AUTS2: variants seen among roughly 807,000 people sequenced by gnomAD.
AUTS2 encodes the protein activator of transcription and developmental regulator AUTS2.
AUTS2 carries 17 observed loss-of-function variants against 112.4 expected under a neutral mutation model. That is an observed-to-expected ratio of 0.15 (90% CI 0.10 to 0.23). The LOEUF is 0.23. AUTS2 is among the 10% of genes least tolerant of loss of function. The pLI, the probability that AUTS2 is intolerant of heterozygous loss-of-function variation, is 1.00. For synonymous variants in AUTS2, 751 were observed against 702.7 expected, an observed-to-expected ratio of 1.07 and a Z score of -1.09; for missense variants, 1,510 against 1,701.6, an observed-to-expected ratio of 0.89 and a Z score of 1.98.
At chr7:70,626,450 T>C (rs1208539069) in intron 5 of AUTS2, among the ~76,000 whole-genome samples, 1 of 146,516 alleles carries the variant, frequency 6.8e-6, no homozygotes, top group Non-Finnish European at 1.5e-5. Context: ...AGGAAAAAAA[T>C]AATAATCTCT....
At chr7:69,855,142 A>G (rs995249187) in intron 1 of AUTS2, among the ~76,000 whole-genome samples, 5 of 152,216 alleles carry the variant, frequency 3.3e-5, no homozygotes, top group Admixed American at 2.6e-4. Context: ...CTATAAATTA[A>G]GAGCATTACC....
At chr7:70,774,216 T>C in intron 12 of AUTS2, 117 bp downstream of exon 12, 1 of 939,036 alleles carries the variant, frequency 1.1e-6, no homozygotes, top group Non-Finnish European at 1.7e-6. Context: ...CTGTTTCAGC[T>C]GTTCTTCTAG....
At chr7:69,928,824 T>C (rs1000185906) in intron 2 of AUTS2, among the ~76,000 whole-genome samples, 4 of 152,112 alleles carry the variant, frequency 2.6e-5, no homozygotes, top group African/African-American at 9.7e-5. Flanking sequence ...CTCTGTAAGG[T>C]GCAGGGCTCC....
intron 4 of AUTS2, among the ~76,000 whole-genome samples, chr7:70,232,454 A>T (rs1292403255): frequency 6.6e-6 from 1 of 151,446 alleles, no homozygotes; most frequent in Non-Finnish European, 1.5e-5. Context: ...CGCAGGCTGG[A>T]GTGCAGTGGC....
chr7:70,304,141 G>A (rs984660429), intron 4 of AUTS2, among the ~76,000 whole-genome samples: 1 of 152,160 alleles, frequency 6.6e-6, no homozygotes, highest in African/African-American at 2.4e-5. Flanking sequence ...GATTCACACC[G>A]TGAGCAGAAG....
intron 5 of AUTS2, among the ~76,000 whole-genome samples, chr7:70,683,185 C>T (rs766596977): frequency 9.9e-5 from 15 of 152,192 alleles, no homozygotes; most frequent in Non-Finnish European, 1.9e-4. Flanking sequence ...AATGTACCCA[C>T]GCTCTGTTGT....
chr7:69,652,243 G>C (rs1481100902), intron 1 of AUTS2, among the ~76,000 whole-genome samples: 5 of 151,894 alleles, frequency 3.3e-5, no homozygotes, highest in Non-Finnish European at 7.4e-5. Flanking sequence ...TGGTTTTATT[G>C]GTTTGGGGCA....
Position 70,649,076 on chromosome 7 carries a change from G to A in AUTS2, c.691-49493G>A, listed in dbSNP as rs376628751. ...ATTATATATGTCAACCTCAGCTTAC[G>A]GAAAGAAGCTGACATGTCAAAATAA... On this transcript the variant is annotated intron_variant, in intron 5 of 18. Coordinates refer to ENST00000342771, the MANE Select transcript of AUTS2 (RefSeq NM_015570.4). 1.3e-4 allele frequency among the ~76,000 whole-genome samples: 20 copies of A among 152,242 alleles called. No individual in the cohort carries two copies. The East Asian group carries it at 2.1e-3, about 16-fold the overall frequency.
chr7:70,239,031 G>A (rs190279353), intron 4 of AUTS2, among the ~76,000 whole-genome samples: 32 of 152,318 alleles, frequency 2.1e-4, no homozygotes, highest in Non-Finnish European at 3.2e-4. Flanking sequence ...AGAGATGCCT[G>A]AGCAGATAGT....
chr7:69,634,119 A>ATT (rs1201871474), intron 1 of AUTS2, among the ~76,000 whole-genome samples: 1 of 150,370 alleles, frequency 6.7e-6, no homozygotes, highest in African/African-American at 2.4e-5. Context: ...ACCAGACTTG[A>ATT]TTATTATTTT....
At position 69,884,869 on chromosome 7, in the gene AUTS2, A is replaced by G. The variant is rs548983057; in HGVS notation, c.310-14417A>G. On this transcript the variant is annotated intron_variant, in intron 1 of 18. Transcript: ENST00000342771. ...GGTCTAATTTATTCTCACTGCAGAT[A>G]TAGCTTGAGGAGTTTATTTGGTCTA... 2.0e-5 allele frequency among the ~76,000 whole-genome samples: 3 copies of G among 152,336 alleles called. No individual in the cohort carries two copies. In the East Asian group the frequency reaches 5.8e-4, roughly 29 times the overall value.
intron 1 of AUTS2, among the ~76,000 whole-genome samples, chr7:69,717,230 G>A (rs940456634): frequency 6.6e-6 from 1 of 152,216 alleles, no homozygotes; most frequent in Non-Finnish European, 1.5e-5. Context: ...GGCAACAAGA[G>A]CCGCCTGCAT....
rs750296123 is a variant in AUTS2 at position 70,789,991 on chromosome 7, G to A, written c.2775G>A (p.Glu925=). Residue 925 remains glutamate (E), a synonymous_variant, in exon 19 of 19, where the codon GAG becomes GAA. Transcript: ENST00000342771. ...CCGAGAAGGACGGGCACGGCCACGAGGGGCGCGCCGCGGGCGAAGAGGCCA... is the reference window on the plus strand; with the variant it reads ...CCGAGAAGGACGGGCACGGCCACGAAGGGCGCGCCGCGGGCGAAGAGGCCA... ...HLPEKDGHGH[E]GRAAGEEAKQ... is the part of the protein sequence containing the mutation. 1.9e-6 allele frequency: 3 copies of A among 1,607,386 alleles called. No individual in the cohort carries two copies. Among genetic ancestry groups the A allele is most frequent in the African/African-American group, 1.3e-5 (1 of 74,914 alleles).
At chr7:70,009,122 C>CT (rs199825343) in intron 2 of AUTS2, among the ~76,000 whole-genome samples, 1,560 of 152,016 alleles carry the variant, frequency 0.01, 37 homozygotes, top group African/African-American at 0.035. Flanking sequence ...CTGGTGGGGG[C>CT]TTTTTTGCTG....
At chr7:69,973,882 G>T (rs1797954712) in intron 2 of AUTS2, among the ~76,000 whole-genome samples, 3 of 151,848 alleles carry the variant, frequency 2.0e-5, no homozygotes, top group Admixed American at 2.0e-4. Context: ...GAGAAATACT[G>T]GTCTGTAATT....
At chr7:69,975,012 T>C (rs1291977044) in intron 2 of AUTS2, among the ~76,000 whole-genome samples, 1 of 152,050 alleles carries the variant, frequency 6.6e-6, no homozygotes, top group Non-Finnish European at 1.5e-5. Flanking sequence ...AGCCATTCTT[T>C]TAGGGTAGTT....
intron 5 of AUTS2, among the ~76,000 whole-genome samples, chr7:70,650,861 CATAAATTA>C (rs1260783302): frequency 6.6e-6 from 1 of 152,150 alleles, no homozygotes; most frequent in Non-Finnish European, 1.5e-5. Context: ...GACAGTTAGA[CATAAATTA>C]ATAGTGCCAA....
At chr7:70,721,374 C>T (rs1392613603) in intron 6 of AUTS2, among the ~76,000 whole-genome samples, 1 of 151,522 alleles carries the variant, frequency 6.6e-6, no homozygotes, top group African/African-American at 2.4e-5. Flanking sequence ...TCTCAGCTCA[C>T]TGCAACCTTT....
At chr7:69,970,832 G>A (rs1266906271) in intron 2 of AUTS2, among the ~76,000 whole-genome samples, 1 of 152,056 alleles carries the variant, frequency 6.6e-6, no homozygotes, top group Non-Finnish European at 1.5e-5. Flanking sequence ...GAATTACATT[G>A]TGTTTTTGAT....
Sources: allele counts gnomAD v4.1 joint callset (sites outside exome capture counted in the v4.1 genomes callset), GRCh38; gene constraint gnomAD v4.1.1; transcripts MANE v1.5; gene names NCBI Gene and HGNC (gene_info 2026-07-23, HGNC 2026-07-21).